The following LARGE1 variants were observed in gnomAD, a reference collection of about 807,000 sequenced individuals.
The protein encoded by LARGE1 is xylosyl- and glucuronyltransferase LARGE1.
LARGE1 carries 43 observed loss-of-function variants against 87.6 expected under a neutral mutation model. That is an observed-to-expected ratio of 0.49 (90% confidence interval 0.38 to 0.63). The LOEUF is 0.63. Ranked by LOEUF, LARGE1 falls within the 30% of genes least tolerant of loss-of-function variation. LARGE1 has a pLI of 0.00. For missense variants in LARGE1, 802 were observed against 1,000.2 expected, an observed-to-expected ratio of 0.80 and a Z score of 2.67; for synonymous variants, 434 against 394.6, an observed-to-expected ratio of 1.10 and a Z score of -1.18.
intron 8 of LARGE1, among the ~76,000 whole-genome samples, chr22:33,383,039 C>G (rs1216272145): frequency 6.6e-6 from 1 of 152,068 alleles, no homozygotes; most frequent in African/African-American, 2.4e-5. Flanking sequence ...TTCGACGAAC[C>G]AGGAAATTGC....
chr22:33,370,852 T>C (rs2064781159), intron 9 of LARGE1, among the ~76,000 whole-genome samples: 1 of 149,328 alleles, frequency 6.7e-6, no homozygotes, highest in Admixed American at 6.7e-5. Flanking sequence ...TTGATATTAA[T>C]ATTAATAAAT....
At chr22:33,433,162 T>C (rs2067142742) in intron 6 of LARGE1, among the ~76,000 whole-genome samples, 1 of 152,228 alleles carries the variant, frequency 6.6e-6, no homozygotes, top group Non-Finnish European at 1.5e-5. Context: ...GACCAGTGAC[T>C]TGGACAGCTA....
At position 33,564,831 on chromosome 22, in the gene LARGE1, G is replaced by T; in HGVS notation, c.787+17C>A. The T allele has an allele frequency of 6.2e-7, 1 of 1,613,878 alleles. No homozygotes were observed. The highest frequency in any genetic ancestry group is 1.1e-5 in the South Asian group (1 of 91,058). ...CCTACAAGGATATCGGGGAAAAAAC[G>T]AATGGGCTACCATTACCTTTGAACT... On this transcript the variant is annotated intron_variant, in intron 6 of 14. Coordinates refer to ENST00000397394, the MANE Select transcript of LARGE1 (RefSeq NM_133642.5).
intron 2 of LARGE1, among the ~76,000 whole-genome samples, chr22:33,759,539 T>C (rs1042774821): frequency 2.0e-5 from 3 of 152,164 alleles, no homozygotes; most frequent in Non-Finnish European, 2.9e-5. Flanking sequence ...TAAACATATG[T>C]AGAAGTCCTT....
chr22:33,729,198 G>A (rs1191442758), intron 2 of LARGE1, among the ~76,000 whole-genome samples: 1 of 152,114 alleles, frequency 6.6e-6, no homozygotes, highest in Non-Finnish European at 1.5e-5. Context: ...GAACACCAAA[G>A]TGCAGATTAA....
chr22:33,745,570 G>C (rs1468981540), intron 2 of LARGE1, among the ~76,000 whole-genome samples: 5 of 152,136 alleles, frequency 3.3e-5, no homozygotes, highest in Admixed American at 6.5e-5. Flanking sequence ...CTGCGCTCAA[G>C]TGAGCTAAGT....
At chr22:33,541,794 A>G (rs1845808894) in intron 6 of LARGE1, among the ~76,000 whole-genome samples, 1 of 151,328 alleles carries the variant, frequency 6.6e-6, no homozygotes, top group Non-Finnish European at 1.5e-5. Context: ...ATATCAGGGT[A>G]TCTCTAAAAT....
At chr22:33,868,567 C>G (rs775815303) in intron 1 of LARGE1, among the ~76,000 whole-genome samples, 9 of 152,170 alleles carry the variant, frequency 5.9e-5, no homozygotes, top group Non-Finnish European at 1.2e-4. Flanking sequence ...CACACCATGA[C>G]CTCCTCTTGC....
At chr22:33,277,507 T>G (rs910360842) in intron 13 of LARGE1, among the ~76,000 whole-genome samples, 1 of 152,186 alleles carries the variant, frequency 6.6e-6, no homozygotes, top group African/African-American at 2.4e-5. Flanking sequence ...TAATCCAATA[T>G]TTGTTGTCCT....
intron 11 of LARGE1, among the ~76,000 whole-genome samples, chr22:33,174,642 A>G (rs1922762986): frequency 6.6e-6 from 1 of 152,178 alleles, no homozygotes; most frequent in Non-Finnish European, 1.5e-5. Context: ...TAGACACAAT[A>G]AAAATGAGAA....
chr22:33,721,792 G>A lies in LARGE1; in HGVS notation c.106+39579C>T, dbSNP rs2267274. On this transcript the variant is annotated intron_variant, in intron 2 of 14. Transcript: ENST00000397394. ...AGCTCTGGACTGTGCATCCTGATTGGTCTGAGTGGTATCTTTTTCCTTGGT... is the reference window on the plus strand; with the variant it reads ...AGCTCTGGACTGTGCATCCTGATTGATCTGAGTGGTATCTTTTTCCTTGGT... Among the ~76,000 whole-genome samples the A allele has an allele frequency of 8.4e-3, 1,279 of 152,294 alleles. 90 individuals are homozygous for A. The East Asian group carries it at 0.18, about 21-fold the overall frequency.
intron 13 of LARGE1, among the ~76,000 whole-genome samples, chr22:33,281,135 G>A (rs771341928): frequency 1.9e-4 from 29 of 152,182 alleles, no homozygotes; most frequent in Non-Finnish European, 3.5e-4. Context: ...CACTTGGCAT[G>A]ATGGCTGGCA....
chr22:33,896,205 G>T (rs2065141306), intron 1 of LARGE1, among the ~76,000 whole-genome samples: 1 of 152,160 alleles, frequency 6.6e-6, no homozygotes, highest in South Asian at 2.1e-4. Flanking sequence ...TTTAATGACT[G>T]ACTCATTTAA....
chr22:33,731,955 C>G (rs1419045123), intron 2 of LARGE1, among the ~76,000 whole-genome samples: 1 of 152,160 alleles, frequency 6.6e-6, no homozygotes, highest in African/African-American at 2.4e-5. Context: ...GTATTCAGAC[C>G]ATATTTCGCT....
intron 6 of LARGE1, among the ~76,000 whole-genome samples, chr22:33,556,254 C>T (rs1015669913): frequency 1.3e-5 from 2 of 152,064 alleles, no homozygotes; most frequent in African/African-American, 4.8e-5. Flanking sequence ...AGCCTGGCTT[C>T]AGCCCAGGTT....
At chr22:33,411,578 T>C (rs1360569312) in intron 7 of LARGE1, among the ~76,000 whole-genome samples, 1 of 152,256 alleles carries the variant, frequency 6.6e-6, no homozygotes, top group East Asian at 1.9e-4. Flanking sequence ...TCTATCAGAA[T>C]TTAAAATATC....
chr22:33,506,465 C>T (rs1477254875), intron 6 of LARGE1, among the ~76,000 whole-genome samples: 1 of 152,152 alleles, frequency 6.6e-6, no homozygotes, highest in African/African-American at 2.4e-5. Context: ...TACAATTCCA[C>T]CCGGGGAGGA....
intron 7 of LARGE1, among the ~76,000 whole-genome samples, chr22:33,428,375 G>A (rs1255806486): frequency 6.6e-6 from 1 of 150,394 alleles, no homozygotes; most frequent in Non-Finnish European, 1.5e-5. Flanking sequence ...GAGTGCAGTG[G>A]CATGATCTCG....
chr22:33,631,141 C>T (rs1326714113), intron 3 of LARGE1, among the ~76,000 whole-genome samples: 1 of 142,662 alleles, frequency 7.0e-6, no homozygotes, highest in Non-Finnish European at 1.6e-5. Flanking sequence ...GCATGAGCCA[C>T]TGCGCCCAGC....
Sources: allele counts gnomAD v4.1 joint callset (sites outside exome capture counted in the v4.1 genomes callset), GRCh38; gene constraint gnomAD v4.1.1; transcripts MANE v1.5; gene names NCBI Gene and HGNC (gene_info 2026-07-23, HGNC 2026-07-21).